The following PALM2AKAP2 variants were observed in gnomAD, a reference collection of about 807,000 sequenced individuals.
The protein encoded by PALM2AKAP2 is PALM2-AKAP2 fusion protein.
A neutral mutation model predicts 71.5 loss-of-function variants in PALM2AKAP2; 37 were observed. The ratio of observed to expected loss-of-function variants is 0.52; its 90% CI spans 0.40 to 0.68. The LOEUF (loss-of-function observed/expected upper bound fraction) is 0.68, where lower values mean the gene tolerates loss of function less well. PALM2AKAP2 is among the 30% of genes least tolerant of loss of function. PALM2AKAP2 has a pLI of 0.00. For missense variants in PALM2AKAP2, 1,224 were observed against 1,191.8 expected, an observed-to-expected ratio of 1.03 and a Z score of -0.40; for synonymous variants, 468 against 478.8, an observed-to-expected ratio of 0.98 and a Z score of 0.29.
intron 5 of PALM2AKAP2, among the ~76,000 whole-genome samples, chr9:109,930,518 G>A (rs919333673): frequency 3.9e-5 from 6 of 152,226 alleles, no homozygotes; most frequent in South Asian, 2.1e-4. Context: ...GAGCCACCGC[G>A]CCCGGCGAAA....
At chr9:110,047,052 C>T (rs986203428), upstream of PALM2AKAP2, among the ~76,000 whole-genome samples, 3 of 151,100 alleles carry the variant, frequency 2.0e-5, no homozygotes, top group African/African-American at 7.3e-5. Context: ...TTCCTTAAAT[C>T]GGAGACATGA....
intron 1 of PALM2AKAP2, among the ~76,000 whole-genome samples, chr9:110,086,746 G>A (rs1026649008): frequency 2.6e-5 from 4 of 152,326 alleles, no homozygotes; most frequent in African/African-American, 7.2e-5. Flanking sequence ...CCTACAGAGT[G>A]TATTTGTCTC....
At chr9:110,147,272 G>A (rs1057183361) in intron 2 of PALM2AKAP2, among the ~76,000 whole-genome samples, 4 of 147,912 alleles carry the variant, frequency 2.7e-5, no homozygotes, top group African/African-American at 1.0e-4. Flanking sequence ...AAAAAATTAT[G>A]TGTGATGGTC....
chr9:110,061,118 T>C (rs1289213383), intron 1 of PALM2AKAP2, among the ~76,000 whole-genome samples: 1 of 152,200 alleles, frequency 6.6e-6, no homozygotes, highest in Non-Finnish European at 1.5e-5. Context: ...TGATAATGTG[T>C]GTCACCTCTT....
chr9:110,014,515 G>A (rs1276430931), intron 6 of PALM2AKAP2, among the ~76,000 whole-genome samples: 1 of 151,870 alleles, frequency 6.6e-6, no homozygotes, highest in Non-Finnish European at 1.5e-5. Context: ...GCTCACTCCT[G>A]TAATCCCAGC....
At chr9:110,166,900 T>A (rs1836750093) in intron 3 of PALM2AKAP2, among the ~76,000 whole-genome samples, 1 of 152,222 alleles carries the variant, frequency 6.6e-6, no homozygotes, top group South Asian at 2.1e-4. Flanking sequence ...ATTTTCATAC[T>A]GCTATGAAGA....
intron 1 of PALM2AKAP2, among the ~76,000 whole-genome samples, chr9:109,830,110 A>G (rs1315609687): frequency 6.6e-6 from 1 of 152,176 alleles, no homozygotes; most frequent in East Asian, 1.9e-4. Context: ...AACTTTCTTT[A>G]TCTGATGGTC....
At chr9:110,058,886 G>C (rs948613997) in intron 1 of PALM2AKAP2, among the ~76,000 whole-genome samples, 1 of 147,220 alleles carries the variant, frequency 6.8e-6, no homozygotes, top group Non-Finnish European at 1.5e-5. Flanking sequence ...TATACTGATG[G>C]AAAGTTTTTT....
chr9:110,133,688 A>AT (rs1290634021), intron 1 of PALM2AKAP2, among the ~76,000 whole-genome samples: 2 of 152,030 alleles, frequency 1.3e-5, no homozygotes, highest in Admixed American at 1.3e-4. Flanking sequence ...CCAAGCCAAA[A>AT]AGGATAGAAG....
chr9:109,644,180 C>T (rs1175949347), intron 1 of PALM2AKAP2, among the ~76,000 whole-genome samples: 1 of 152,230 alleles, frequency 6.6e-6, no homozygotes, highest in East Asian at 1.9e-4. Flanking sequence ...ATCCAATCTA[C>T]ATCACTTAAT....
chr9:109,783,340 C>A (rs1344578299), intron 1 of PALM2AKAP2, among the ~76,000 whole-genome samples: 1 of 149,430 alleles, frequency 6.7e-6, no homozygotes, highest in East Asian at 2.0e-4. Context: ...TTTTTTTAGA[C>A]AGAGTCTCAC....
In PALM2AKAP2 at chr9:109,995,680, C is replaced by A. The variant is rs79117156; in HGVS notation, c.497-20274C>A. On this transcript the variant is annotated intron_variant, in intron 6 of 9. Coordinates refer to the PALM2AKAP2 transcript ENST00000302798. ...TGTCATGCAAACAGCATGAGGAAGA[C>A]CCGTCTTCATGACTCAGTTACCTCC... 9.1e-3 allele frequency among the ~76,000 whole-genome samples: 1,389 copies of A among 152,278 alleles called. 21 individuals are homozygous for A. The highest frequency in any genetic ancestry group is 0.032 in the African/African-American group (1,340 of 41,528).
intron 2 of PALM2AKAP2, among the ~76,000 whole-genome samples, chr9:109,870,219 T>A (rs1237399551): frequency 6.6e-6 from 1 of 152,164 alleles, no homozygotes; most frequent in Non-Finnish European, 1.5e-5. Flanking sequence ...TATTCAGTTA[T>A]TTTGATATGA....
At chr9:109,686,696 C>T (rs979917439) in intron 1 of PALM2AKAP2, among the ~76,000 whole-genome samples, 1 of 150,992 alleles carries the variant, frequency 6.6e-6, no homozygotes, top group Non-Finnish European at 1.5e-5. Context: ...TTTTATTATA[C>T]TTTAAGTTTT....
intron 3 of PALM2AKAP2, among the ~76,000 whole-genome samples, chr9:109,906,931 C>G (rs1377543880): frequency 1.3e-5 from 2 of 152,212 alleles, no homozygotes; most frequent in Non-Finnish European, 2.9e-5. Flanking sequence ...CACTTTCTTT[C>G]CCTCATGAGT....
chr9:109,816,677 A>T (rs1827862490), intron 1 of PALM2AKAP2, among the ~76,000 whole-genome samples: 1 of 152,196 alleles, frequency 6.6e-6, no homozygotes, highest in Admixed American at 6.5e-5. Flanking sequence ...TGATGGTGGG[A>T]TTTCATATAG....
intron 1 of PALM2AKAP2, among the ~76,000 whole-genome samples, chr9:109,864,331 C>A (rs891384694): frequency 6.6e-6 from 1 of 152,226 alleles, no homozygotes; most frequent in African/African-American, 2.4e-5. Flanking sequence ...TTACCCCTTC[C>A]TGCACCAGCG....
At chr9:109,725,200 C>A (rs534492762) in intron 1 of PALM2AKAP2, among the ~76,000 whole-genome samples, 3 of 152,038 alleles carry the variant, frequency 2.0e-5, no homozygotes, top group Non-Finnish European at 2.9e-5. Flanking sequence ...CAGTATCAAG[C>A]CAACAATATT....
intron 1 of PALM2AKAP2, among the ~76,000 whole-genome samples, chr9:110,067,232 C>T (rs1180714456): frequency 2.6e-5 from 4 of 152,036 alleles, no homozygotes; most frequent in African/African-American, 4.8e-5. Context: ...TTAAGGACTT[C>T]ATATTTAGAT....
Sources: allele counts gnomAD v4.1 joint callset (sites outside exome capture counted in the v4.1 genomes callset), GRCh38; gene constraint gnomAD v4.1.1; transcripts MANE v1.5; gene names NCBI Gene and HGNC (gene_info 2026-07-23, HGNC 2026-07-21).